SLC49A4: variants seen among roughly 807,000 people sequenced by gnomAD.
SLC49A4 encodes disrupted in renal cancer protein 2.
Under a neutral mutation model 50.6 loss-of-function variants are expected in SLC49A4, and 36 were observed. That is an observed-to-expected ratio of 0.71 (90% confidence interval 0.55 to 0.94). SLC49A4 has a LOEUF of 0.94. Among genes scored for constraint, SLC49A4 ranks in the 40% least tolerant of loss-of-function variants. SLC49A4 has a pLI of 0.00. For missense variants in SLC49A4, 503 were observed against 605.7 expected, an observed-to-expected ratio of 0.83 and a Z score of 1.78; for synonymous variants, 248 against 241.2, an observed-to-expected ratio of 1.03 and a Z score of -0.26.
intron 5 of SLC49A4, among the ~76,000 whole-genome samples, chr3:122,850,664 C>T (rs555900056): frequency 1.1e-4 from 16 of 152,116 alleles, no homozygotes; most frequent in African/African-American, 3.1e-4. Context: ...CACACCACCA[C>T]GCCCAGCTAA....
intron 1 of SLC49A4, among the ~76,000 whole-genome samples, chr3:122,800,088 A>G (rs980648101): frequency 1.3e-5 from 2 of 152,214 alleles, no homozygotes; most frequent in African/African-American, 4.8e-5. Flanking sequence ...AATGGTATTT[A>G]AAGTAATGGG....
chr3:122,829,231 A>G (rs1173290782), intron 3 of SLC49A4, among the ~76,000 whole-genome samples: 1 of 152,266 alleles, frequency 6.6e-6, no homozygotes, highest in Non-Finnish European at 1.5e-5. Context: ...AACGGATGAT[A>G]TACCATGACT....
At chr3:122,829,653 G>A (rs1488044217) in intron 3 of SLC49A4, among the ~76,000 whole-genome samples, 4 of 152,208 alleles carry the variant, frequency 2.6e-5, no homozygotes, top group Admixed American at 2.6e-4. Context: ...GGGAGGCTGA[G>A]GCACGAGAAT....
In SLC49A4 at chr3:122,881,134, A is replaced by C. The variant is rs1045657079; in HGVS notation, c.*1756A>C. The C allele has an allele frequency of 2.0e-5, 3 of 152,098 alleles. No individual in the cohort carries two copies. The highest frequency in any genetic ancestry group is 7.2e-5 in the African/African-American group (3 of 41,382). 9.4% of individuals were successfully genotyped at this position (152,098 alleles called of 1,614,324 possible). A position where few individuals can be genotyped will look rare whatever the true frequency, so the allele number is the denominator to read the frequency against. On this transcript the variant is annotated 3_prime_UTR_variant, in exon 9 of 9. Transcript: ENST00000261038. ...TTCTTCTGAAATAAAAATGAAATAA[A>C]AGGAAGGCAGAATTCTCTTTTTTTT...
intron 2 of SLC49A4, 85 bp from the exon 3 acceptor site, chr3:122,826,714 TA>T: frequency 1.4e-6 from 2 of 1,397,542 alleles, no homozygotes; most frequent in Non-Finnish European, 2.0e-6. Context: ...TTGCCATAGT[TA>T]AAAACTGCTG....
intron 1 of SLC49A4, among the ~76,000 whole-genome samples, chr3:122,806,143 G>A (rs1431471810): frequency 6.6e-6 from 1 of 151,952 alleles, no homozygotes; most frequent in East Asian, 1.9e-4. Context: ...TACTTTTTAG[G>A]GACAGTTAAG....
intron 2 of SLC49A4, among the ~76,000 whole-genome samples, chr3:122,811,451 A>G (rs1936297493): frequency 6.6e-6 from 1 of 152,236 alleles, no homozygotes; most frequent in African/African-American, 2.4e-5. Context: ...ATGTGGGGAA[A>G]AACAGGCACT....
chr3:122,823,681 G>A (rs1281933915), intron 2 of SLC49A4, among the ~76,000 whole-genome samples: 2 of 151,998 alleles, frequency 1.3e-5, no homozygotes, highest in Non-Finnish European at 2.9e-5. Context: ...TTATGGTAAT[G>A]TTCATATGAT....
chr3:122,874,272 G>A (rs1007184839), intron 8 of SLC49A4, among the ~76,000 whole-genome samples: 6 of 152,248 alleles, frequency 3.9e-5, no homozygotes, highest in African/African-American at 7.2e-5. Flanking sequence ...GTCCTGCTGC[G>A]GTTTTGACTT....
chr3:122,868,470 G>A (rs1937150730), intron 7 of SLC49A4, among the ~76,000 whole-genome samples: 1 of 152,146 alleles, frequency 6.6e-6, no homozygotes, highest in Non-Finnish European at 1.5e-5. Context: ...CATGTAGTTT[G>A]AACCCTCTAT....
intron 8 of SLC49A4, among the ~76,000 whole-genome samples, chr3:122,876,042 C>G (rs945897508): frequency 6.6e-6 from 1 of 152,070 alleles, no homozygotes; most frequent in Non-Finnish European, 1.5e-5. Flanking sequence ...TTGGATTTTT[C>G]AAGGTCACTT....
chr3:122,874,303 T>C (rs1020284272), intron 8 of SLC49A4, among the ~76,000 whole-genome samples: 2 of 152,208 alleles, frequency 1.3e-5, no homozygotes, highest in Non-Finnish European at 2.9e-5. Flanking sequence ...ATCTGGTGTC[T>C]GGAGTGAATT....
chr3:122,803,753 C>T (rs1936169042), intron 1 of SLC49A4, among the ~76,000 whole-genome samples: 1 of 152,180 alleles, frequency 6.6e-6, no homozygotes, highest in African/African-American at 2.4e-5. Context: ...CAGCCTGATT[C>T]TTTAGACATC....
chr3:122,864,745 G>C (rs1184868094), intron 7 of SLC49A4, among the ~76,000 whole-genome samples: 1 of 152,212 alleles, frequency 6.6e-6, no homozygotes, highest in African/African-American at 2.4e-5. Flanking sequence ...CTGGGTCAGT[G>C]GGTTATGCCT....
rs367649094 is a variant in SLC49A4, at chr3:122,852,717, G to A, written c.943-3590G>A. 1.4e-4 allele frequency among the ~76,000 whole-genome samples: 21 copies of A among 152,134 alleles called. No individual in the cohort carries two copies. The East Asian group carries it at 2.5e-3, about 18-fold the overall frequency. On this transcript the variant is annotated intron_variant, in intron 5 of 8. Coordinates refer to ENST00000261038, the MANE Select transcript of SLC49A4 (RefSeq NM_032839.3). ...CCTTCAGAGTGCCCAGTTAAAACCC[G>A]GGGTTTTTACAAAGGCACCCCACAG...
intron 4 of SLC49A4, among the ~76,000 whole-genome samples, chr3:122,840,604 A>G (rs114489862): frequency 6.6e-6 from 1 of 152,128 alleles, no homozygotes; most frequent in Non-Finnish European, 1.5e-5. Context: ...CAATATTAAA[A>G]CTTATTAATG....
chr3:122,866,531 C>A (rs1413673374), intron 7 of SLC49A4, among the ~76,000 whole-genome samples: 2 of 152,138 alleles, frequency 1.3e-5, no homozygotes, highest in African/African-American at 4.8e-5. Flanking sequence ...GAGAAGACAT[C>A]ACCTGTTTTG....
At chr3:122,836,586 G>C (rs949762028) in intron 4 of SLC49A4, among the ~76,000 whole-genome samples, 2 of 152,090 alleles carry the variant, frequency 1.3e-5, no homozygotes, top group African/African-American at 4.8e-5. Flanking sequence ...GCTCCTCTTT[G>C]AACCTCTGGT....
chr3:122,878,640 A>T (rs1937295332), intron 8 of SLC49A4, among the ~76,000 whole-genome samples: 1 of 152,352 alleles, frequency 6.6e-6, no homozygotes, highest in Middle Eastern at 3.4e-3. Context: ...TTGGCATCAT[A>T]TATAACCATT....
Sources: gnomAD v4.1 joint callset for allele counts (sites outside exome capture counted in the v4.1 genomes callset) on GRCh38, gnomAD v4.1.1 for gene constraint, MANE v1.5 for transcripts, NCBI Gene and HGNC (gene_info 2026-07-23, HGNC 2026-07-21) for gene names.